Variants in CDKL3 observed in about 807,000 individuals in gnomAD.
The protein encoded by CDKL3 is cyclin dependent kinase like 3, also known as cyclin-dependent kinase-like 3.
Under a neutral mutation model 69.3 loss-of-function variants are expected in CDKL3, and 65 were observed. The observed-to-expected ratio is 0.94, with a 90% CI of 0.77 to 1.15. The LOEUF (loss-of-function observed/expected upper bound fraction) is 1.15, where lower values mean the gene tolerates loss of function less well. Ranked by LOEUF, CDKL3 falls within the 50% of genes most tolerant of loss-of-function variation. The pLI is 0.00. For synonymous variants in CDKL3, 202 were observed against 221.6 expected (o/e 0.91, Z 0.79); for missense variants, 652 against 689.2 (o/e 0.95, Z 0.61).
chr5:134,312,010 G>A (rs1002115307), intron 7 of CDKL3, among the ~76,000 whole-genome samples: 4 of 152,016 alleles, frequency 2.6e-5, no homozygotes, highest in South Asian at 4.2e-4. Flanking sequence ...TGCCCAGGCC[G>A]GTCGTGAACT....
At chr5:134,364,436 C>T (rs1448326647) in intron 2 of CDKL3, among the ~76,000 whole-genome samples, 2 of 152,310 alleles carry the variant, frequency 1.3e-5, no homozygotes, top group East Asian at 1.9e-4. Flanking sequence ...TTTCGTATTT[C>T]TATCAATTGT....
At chr5:134,371,373 C>A, upstream of CDKL3, 1 of 655,876 alleles carries the variant, frequency 1.5e-6, no homozygotes, top group Admixed American at 3.0e-5. Context: ...TCCCGCGTCC[C>A]GCCCCCTCCT....
chr5:134,336,088 T>C (rs368189165), intron 4 of CDKL3, among the ~76,000 whole-genome samples: 1 of 152,346 alleles, frequency 6.6e-6, no homozygotes, highest in East Asian at 1.9e-4. Context: ...CAATCACTGA[T>C]ATCCTTTCTT....
intron 12 of CDKL3, among the ~76,000 whole-genome samples, chr5:134,301,835 C>T (rs766933966): frequency 1.3e-5 from 2 of 151,998 alleles, no homozygotes; most frequent in Admixed American, 6.6e-5. Context: ...TGCAGTGAGC[C>T]GAGATCGCGC....
intron 8 of CDKL3, among the ~76,000 whole-genome samples, chr5:134,290,023 G>A (rs1486808770): frequency 6.6e-6 from 1 of 152,026 alleles, no homozygotes; most frequent in Admixed American, 6.6e-5. Context: ...GTTATGCATT[G>A]TTCTAAGCAT....
chr5:134,341,092 T>G (rs1156800267), intron 4 of CDKL3, among the ~76,000 whole-genome samples: 1 of 152,162 alleles, frequency 6.6e-6, no homozygotes, highest in Non-Finnish European at 1.5e-5. Flanking sequence ...AAAAAATTTC[T>G]CATTTTGATC....
intron 5 of CDKL3, among the ~76,000 whole-genome samples, chr5:134,320,282 A>G (rs2032901076): frequency 6.6e-6 from 1 of 152,104 alleles, no homozygotes; most frequent in Non-Finnish European, 1.5e-5. Context: ...CTTCCCCACC[A>G]CACAAAGAGC....
downstream of CDKL3, among the ~76,000 whole-genome samples, chr5:134,296,809 A>ACGCACG (rs1302742242): frequency 2.0e-4 from 30 of 151,628 alleles, no homozygotes; most frequent in African/African-American, 7.3e-4. Flanking sequence ...ACACACACAC[A>ACGCACG]CACACACGCA....
intron 4 of CDKL3, among the ~76,000 whole-genome samples, chr5:134,334,470 A>G (rs367729564): frequency 2.8e-4 from 43 of 152,316 alleles, no homozygotes; most frequent in African/African-American, 9.4e-4. Context: ...ATTTCCCTAT[A>G]TACACTGCTT....
upstream of CDKL3, among the ~76,000 whole-genome samples, chr5:134,368,941 T>G (rs1288563557): frequency 1.3e-5 from 2 of 152,058 alleles, no homozygotes; most frequent in African/African-American, 4.8e-5. Flanking sequence ...GAAGGAGAAT[T>G]ACTGGAGCCC....
downstream of CDKL3, among the ~76,000 whole-genome samples, chr5:134,297,757 T>A (rs2149406966): frequency 6.6e-6 from 1 of 151,480 alleles, no homozygotes; most frequent in African/African-American, 2.4e-5. Context: ...AATTTTTGTA[T>A]TATTAGTAGA....
At position 134,319,338 on chromosome 5, in the gene CDKL3, G is replaced by GAAA. The variant is rs77760502; in HGVS notation, c.792+17_792+19dup. 57 of 1,218,940 alleles carry GAAA rather than the reference G, an allele frequency of 4.7e-5. No individual in the cohort carries two copies. The highest frequency in any genetic ancestry group is 1.2e-4 in the South Asian group (8 of 64,674). The allele number at this position is 1,218,940 out of a possible 1,614,324, so 75.5% of individuals were successfully genotyped here. On this transcript the variant is annotated intron_variant, in intron 6 of 12. Transcript: ENST00000265334. ...GAGCAAGACTCTGTCTCCGGGGGAG[G>GAAA]AAAAAAAAAAAAAACATACATGAAC...
At chr5:134,360,766 T>G (rs540705101) in intron 2 of CDKL3, among the ~76,000 whole-genome samples, 22 of 152,178 alleles carry the variant, frequency 1.4e-4, no homozygotes, top group Non-Finnish European at 2.5e-4. Flanking sequence ...TGTTTTCAAA[T>G]GAGCATGGAT....
chr5:134,334,128 T>C (rs547528065), intron 4 of CDKL3, among the ~76,000 whole-genome samples: 6 of 152,314 alleles, frequency 3.9e-5, no homozygotes, highest in Admixed American at 2.0e-4. Flanking sequence ...TGATGGTAGT[T>C]TGTATTTCTG....
intron 3 of CDKL3, among the ~76,000 whole-genome samples, chr5:134,351,669 C>T (rs1030548529): frequency 6.6e-6 from 1 of 152,122 alleles, no homozygotes; most frequent in Non-Finnish European, 1.5e-5. Context: ...TTATGTTGCT[C>T]AGGCTGATCA....
At chr5:134,338,274 T>C (rs929598463) in intron 4 of CDKL3, among the ~76,000 whole-genome samples, 3 of 152,126 alleles carry the variant, frequency 2.0e-5, no homozygotes, top group Non-Finnish European at 4.4e-5. Context: ...GACATAAGAA[T>C]AACTTTTCTA....
intron 4 of CDKL3, among the ~76,000 whole-genome samples, chr5:134,325,506 T>C (rs949468233): frequency 9.2e-5 from 14 of 152,178 alleles, no homozygotes; most frequent in African/African-American, 2.9e-4. Flanking sequence ...CATATGTGTA[T>C]GTTCAGCTTT....
At chr5:134,320,379 G>C (rs1772390391) in intron 5 of CDKL3, among the ~76,000 whole-genome samples, 1 of 152,074 alleles carries the variant, frequency 6.6e-6, no homozygotes, top group Non-Finnish European at 1.5e-5. Flanking sequence ...ACTTTGGGAG[G>C]CCGAGTCGGG....
chr5:134,299,792 T>G (rs1765878519), intron 12 of CDKL3: 1 of 1,305,946 alleles, frequency 7.7e-7, no homozygotes, highest in African/African-American at 1.5e-5. Flanking sequence ...GAGGACATGG[T>G]GAGTCTTTGG....
Sources: gnomAD v4.1 joint callset for allele counts (sites outside exome capture counted in the v4.1 genomes callset) on GRCh38, gnomAD v4.1.1 for gene constraint, MANE v1.5 for transcripts, NCBI Gene and HGNC (gene_info 2026-07-23, HGNC 2026-07-21) for gene names.